Variants in CNTNAP5 observed in about 807,000 individuals in gnomAD.
CNTNAP5 encodes the protein contactin associated protein family member 5, also known as contactin-associated protein-like 5.
In CNTNAP5, 72 loss-of-function variants were observed where a neutral mutation model predicts 150.2. That is an observed-to-expected ratio of 0.48 (90% CI 0.40 to 0.58). The LOEUF is 0.58. Among genes scored for constraint, CNTNAP5 ranks in the 20% least tolerant of loss-of-function variants. The pLI, the probability that CNTNAP5 is intolerant of heterozygous loss-of-function variation, is 0.00. For synonymous variants in CNTNAP5, 672 were observed against 619.8 expected (o/e 1.08, Z -1.25); for missense variants, 1,636 against 1,626.2 (o/e 1.01, Z -0.10).
chr2:124,391,778 A>AC (rs1447924116), intron 3 of CNTNAP5, among the ~76,000 whole-genome samples: 7 of 150,868 alleles, frequency 4.6e-5, no homozygotes, highest in African/African-American at 1.7e-4. Context: ...ACACGGTGAG[A>AC]CCCCGTCTCT....
chr2:124,446,356 A>C (rs536686519), intron 5 of CNTNAP5, among the ~76,000 whole-genome samples: 1 of 152,084 alleles, frequency 6.6e-6, no homozygotes, highest in Non-Finnish European at 1.5e-5. Flanking sequence ...TACGTATCCC[A>C]GCTTTACTCC....
chr2:124,455,381 C>T (rs1192137695), intron 6 of CNTNAP5, among the ~76,000 whole-genome samples: 3 of 152,072 alleles, frequency 2.0e-5, no homozygotes, highest in African/African-American at 7.2e-5. Flanking sequence ...AGACCAATAA[C>T]AAGCAGCGAT....
intron 1 of CNTNAP5, among the ~76,000 whole-genome samples, chr2:124,078,600 A>T (rs147900585): frequency 3.3e-4 from 50 of 152,324 alleles, no homozygotes; most frequent in African/African-American, 1.1e-3. Flanking sequence ...AGTTTTGAAC[A>T]ATTTACAATT....
intron 18 of CNTNAP5, among the ~76,000 whole-genome samples, chr2:124,790,396 AAG>A (rs1319094873): frequency 1.3e-5 from 2 of 152,198 alleles, no homozygotes; most frequent in Non-Finnish European, 2.9e-5. Flanking sequence ...TAAGTAGAGA[AAG>A]AGGTGGACCC....
At chr2:124,602,994 C>T (rs1343947534) in intron 11 of CNTNAP5, among the ~76,000 whole-genome samples, 5 of 141,980 alleles carry the variant, frequency 3.5e-5, no homozygotes, top group Admixed American at 7.2e-5. Flanking sequence ...CTTAAAACAT[C>T]TTCCCTCTCT....
Position 124,088,313 on chromosome 2 carries a change from A to G in CNTNAP5, c.82+62581A>G, listed in dbSNP as rs1006673724. Among the ~76,000 whole-genome samples the G allele has an allele frequency of 2.6e-5, 4 of 151,958 alleles. No individual in the cohort carries two copies. The East Asian group carries it at 5.8e-4, about 22-fold the overall frequency. On this transcript the variant is annotated intron_variant, in intron 1 of 23. Coordinates refer to ENST00000682447, the MANE Select transcript of CNTNAP5 (RefSeq NM_001367498.1). ...TTTTATCTTCTGTTTATTTGCTGAT[A>G]CTTTTCTTTGGTGAGGCTCTTTTCC... is the stretch of plus-strand genomic sequence containing the variant.
rs559438402 is a variant in CNTNAP5 at position 124,798,333 on chromosome 2, G to A, written c.3217+13G>A. The stretch of plus-strand genomic sequence containing the variant: ...CTCTGCAAGAATGGTGAGTGTGATG[G>A]CATGATACCCAGCGGAGTCTCAGCC... On this transcript the variant is annotated intron_variant, in intron 19 of 23. Coordinates refer to ENST00000682447, the MANE Select transcript of CNTNAP5 (RefSeq NM_001367498.1). The A allele has an allele frequency of 1.3e-6, 2 of 1,581,654 alleles. No homozygotes were observed. The highest frequency in any genetic ancestry group is 1.7e-6 in the Non-Finnish European group (2 of 1,150,724).
intron 3 of CNTNAP5, among the ~76,000 whole-genome samples, chr2:124,376,341 C>T (rs938018382): frequency 6.6e-6 from 1 of 152,046 alleles, no homozygotes; most frequent in African/African-American, 2.4e-5. Flanking sequence ...CAAGCATAGA[C>T]ATTACTAGGA....
chr2:124,896,244 G>A (rs1678301877), intron 21 of CNTNAP5, among the ~76,000 whole-genome samples: 1 of 151,304 alleles, frequency 6.6e-6, no homozygotes. Flanking sequence ...TGTTTATCAA[G>A]GTCAAGAATG....
chr2:124,282,951 A>T (rs1688049751), intron 3 of CNTNAP5, among the ~76,000 whole-genome samples: 1 of 151,742 alleles, frequency 6.6e-6, no homozygotes, highest in African/African-American at 2.4e-5. Context: ...ATGTTTGCAG[A>T]GTTGGGGCTC....
intron 4 of CNTNAP5, among the ~76,000 whole-genome samples, chr2:124,427,721 T>C (rs1228432289): frequency 6.6e-6 from 1 of 152,122 alleles, no homozygotes; most frequent in East Asian, 1.9e-4. Flanking sequence ...CCTCCCAAAG[T>C]GTTGGGATTA....
intron 13 of CNTNAP5, among the ~76,000 whole-genome samples, chr2:124,726,362 C>T (rs544773062): frequency 6.6e-6 from 1 of 152,160 alleles, no homozygotes; most frequent in African/African-American, 2.4e-5. Flanking sequence ...AGTTAGTTCT[C>T]ACAATATCTA....
intron 5 of CNTNAP5, among the ~76,000 whole-genome samples, chr2:124,436,919 A>C (rs893510266): frequency 3.9e-5 from 6 of 152,134 alleles, no homozygotes; most frequent in Non-Finnish European, 5.9e-5. Flanking sequence ...ACCTGTTTTA[A>C]GCAGTCACCT....
chr2:124,108,779 C>T (rs1305967185), intron 1 of CNTNAP5, among the ~76,000 whole-genome samples: 3 of 152,186 alleles, frequency 2.0e-5, no homozygotes, highest in Non-Finnish European at 2.9e-5. Context: ...TTGTCCAGTA[C>T]AGATATAACA....
At chr2:124,831,553 T>C (rs1682716707) in intron 19 of CNTNAP5, among the ~76,000 whole-genome samples, 2 of 150,558 alleles carry the variant, frequency 1.3e-5, no homozygotes, top group Non-Finnish European at 3.0e-5. Context: ...TATATAATTA[T>C]ATATTAAAAT....
chr2:124,331,746 G>A (rs115032649), intron 3 of CNTNAP5, among the ~76,000 whole-genome samples: 5,143 of 151,952 alleles, frequency 0.034, 150 homozygotes, highest in Non-Finnish European at 0.043. Context: ...CTCTTTCATA[G>A]AAAGTAGACT....
intron 21 of CNTNAP5, among the ~76,000 whole-genome samples, chr2:124,898,843 A>G (rs1409334890): frequency 6.6e-6 from 1 of 151,504 alleles, no homozygotes; most frequent in Non-Finnish European, 1.5e-5. Context: ...ATTACTGCTA[A>G]CTACCACTCC....
chr2:124,694,734 C>T (rs1372138363), intron 13 of CNTNAP5, among the ~76,000 whole-genome samples: 1 of 152,076 alleles, frequency 6.6e-6, no homozygotes, highest in African/African-American at 2.4e-5. Flanking sequence ...CTGTACATTC[C>T]ACATGGGCAT....
At chr2:124,053,341 T>G (rs570019071) in intron 1 of CNTNAP5, among the ~76,000 whole-genome samples, 1 of 136,882 alleles carries the variant, frequency 7.3e-6, no homozygotes, top group Non-Finnish European at 1.6e-5. Flanking sequence ...TTATTTGTTC[T>G]GCTTCCTTTT....
Sources: gnomAD v4.1 joint callset for allele counts (sites outside exome capture counted in the v4.1 genomes callset) on GRCh38, gnomAD v4.1.1 for gene constraint, MANE v1.5 for transcripts, NCBI Gene and HGNC (gene_info 2026-07-23, HGNC 2026-07-21) for gene names.